The following ABCE1 variants were observed in gnomAD, a reference collection of about 807,000 sequenced individuals.
ABCE1 encodes ATP-binding cassette sub-family E member 1.
Under a neutral mutation model 83.4 loss-of-function variants are expected in ABCE1, and 22 were observed. That is an observed-to-expected ratio of 0.26 (90% CI 0.19 to 0.38). ABCE1 has a LOEUF of 0.38. Among genes scored for constraint, ABCE1 ranks in the 10% least tolerant of loss-of-function variants. The pLI is 1.00. For synonymous variants in ABCE1, 204 were observed against 233.7 expected, an observed-to-expected ratio of 0.87 and a Z score of 1.16; for missense variants, 330 against 721.9, an observed-to-expected ratio of 0.46 and a Z score of 6.22.
intron 1 of ABCE1, among the ~76,000 whole-genome samples, chr4:145,099,766 C>A (rs1749076855): frequency 6.6e-6 from 1 of 152,170 alleles, no homozygotes; most frequent in Non-Finnish European, 1.5e-5. Flanking sequence ...TAACAGCAGT[C>A]TTTGAAATGC....
rs1749968485 is a variant in ABCE1, at chr4:145,129,026, C to CTAAG, written c.*1455_*1458dup. 1 of 151,998 alleles carries CTAAG rather than the reference C, an allele frequency of 6.6e-6. No homozygotes were observed. The highest frequency in any genetic ancestry group is 2.1e-4 in the South Asian group (1 of 4,818). 9.4% of individuals were successfully genotyped at this position (151,998 alleles called of 1,614,324 possible). A position where few individuals can be genotyped will look rare whatever the true frequency, so the allele number is the denominator to read the frequency against. On this transcript the variant is annotated 3_prime_UTR_variant, in exon 18 of 18. Transcript: ENST00000296577. Reference sequence around the variant, plus strand: ...TTCATGCTTTTTTCTGTGCACTTACCTAAGTGTGAATATGTAAAGGGTTTG... The same window carrying CTAAG: ...TTCATGCTTTTTTCTGTGCACTTACCTAAGTAAGTGTGAATATGTAAAGGGTTTG...
At position 145,109,119 on chromosome 4, in the gene ABCE1, A is replaced by G. The variant is rs375908638; in HGVS notation, c.288-13A>G. 58 of 1,556,398 alleles carry G rather than the reference A, an allele frequency of 3.7e-5. No individual in the cohort carries two copies. Among genetic ancestry groups the G allele is most frequent in the Middle Eastern group, 1.7e-4 (1 of 5,794 alleles). On this transcript the variant is annotated splice_polypyrimidine_tract_variant and intron_variant, in intron 4 of 17. Transcript: ENST00000296577. ...ATCTGAGTTGTTTTATTATTTTTGT[A>G]TACTTGTAACAGGTTGCCTATCCCT...
At chr4:145,122,774 G>A (rs75532166) in intron 13 of ABCE1, 2 of 315,488 alleles carry the variant, frequency 6.3e-6, no homozygotes, top group East Asian at 6.0e-5. Context: ...TCATGCCATT[G>A]CACACCTGGG....
chr4:145,103,766 GTT>G (rs4148236), intron 1 of ABCE1, among the ~76,000 whole-genome samples: 5 of 138,420 alleles, frequency 3.6e-5, no homozygotes, highest in Admixed American at 7.2e-5. Flanking sequence ...GTTGGTTGGG[GTT>G]TTTTTTTTTT....
chr4:145,112,454 A>G (rs1309389292), intron 9 of ABCE1, 126 bp downstream of exon 9: 1 of 679,594 alleles, frequency 1.5e-6, no homozygotes, highest in Non-Finnish European at 2.5e-6. Flanking sequence ...TATAGCTGCC[A>G]CCTAAATTTA....
intron 16 of ABCE1, among the ~76,000 whole-genome samples, chr4:145,124,686 T>C (rs1366578602): frequency 6.6e-6 from 1 of 152,186 alleles, no homozygotes; most frequent in African/African-American, 2.4e-5. Flanking sequence ...AATCTACTTA[T>C]TAATTATCTT....
In ABCE1 at chr4:145,110,099, T is replaced by C; in HGVS notation, c.406-4T>C. The C allele has an allele frequency of 6.4e-7, 1 of 1,557,334 alleles. No homozygotes were observed. Among genetic ancestry groups the C allele is most frequent in the Non-Finnish European group, 8.6e-7 (1 of 1,159,736 alleles). The stretch of plus-strand genomic sequence containing the variant: ...ATGATTCTGTATTTTTTTTTTTTTT[T>C]TAGGATCCTCCTGACTGGCAGGAGA... On this transcript the variant is annotated splice_polypyrimidine_tract_variant and splice_region_variant and intron_variant, in intron 5 of 17. Transcript: ENST00000296577.
chr4:145,121,403 T>C lies in ABCE1; in HGVS notation c.1263+12T>C. On this transcript the variant is annotated intron_variant, in intron 13 of 17. Transcript: ENST00000296577. ...GTCCCAAATCAACTGTGAGTTATTA[T>C]TTTTTATATGGTTACTAAAGAAAAT... 2 of 1,601,056 alleles carry C rather than the reference T, an allele frequency of 1.2e-6. No homozygotes were observed. The highest frequency in any genetic ancestry group is 1.7e-6 in the Non-Finnish European group (2 of 1,171,284).
At chr4:145,106,327 C>T (rs973584632) in intron 3 of ABCE1, among the ~76,000 whole-genome samples, 4 of 152,052 alleles carry the variant, frequency 2.6e-5, no homozygotes, top group East Asian at 1.9e-4. Context: ...TCAAATAAAT[C>T]GTGTGTATAT....
intron 9 of ABCE1, among the ~76,000 whole-genome samples, chr4:145,114,311 G>C (rs988857656): frequency 6.6e-6 from 1 of 152,048 alleles, no homozygotes; most frequent in Non-Finnish European, 1.5e-5. Context: ...ATGTACCAGA[G>C]TCTTGAAAGG....
In ABCE1 at chr4:145,128,791, A is replaced by T. The variant is rs1254787572; in HGVS notation, c.*1218A>T. ...AACTGTTTGACAAACTTTAAGAGCT[A>T]CTTGAAATAACAGAAGTCTTGATTA... On this transcript the variant is annotated 3_prime_UTR_variant, in exon 18 of 18. Coordinates refer to ENST00000296577, the MANE Select transcript of ABCE1 (RefSeq NM_002940.3). 6.6e-6 allele frequency: 1 copy of T among 152,226 alleles called. No homozygotes were observed. The highest frequency in any genetic ancestry group is 2.4e-5 in the African/African-American group (1 of 41,470). 9.4% of individuals were successfully genotyped at this position (152,226 alleles called of 1,614,324 possible). A position where few individuals can be genotyped will look rare whatever the true frequency, so the allele number is the denominator to read the frequency against.
chr4:145,125,597 G>A (rs918461868), intron 17 of ABCE1, among the ~76,000 whole-genome samples: 2 of 152,180 alleles, frequency 1.3e-5, no homozygotes, highest in Non-Finnish European at 2.9e-5. Flanking sequence ...TCATTGCTGT[G>A]TGAACTCAAG....
intron 10 of ABCE1, among the ~76,000 whole-genome samples, chr4:145,118,767 A>G (rs1189803919): frequency 6.6e-6 from 1 of 151,886 alleles, no homozygotes; most frequent in Non-Finnish European, 1.5e-5. Context: ...CCTTTAATAT[A>G]TTGAAATCAG....
intron 11 of ABCE1, 44 bp from the exon 12 acceptor site, chr4:145,121,130 G>C: frequency 6.3e-7 from 1 of 1,598,302 alleles, no homozygotes; most frequent in Non-Finnish European, 8.6e-7. Context: ...TACTTTAAAC[G>C]TCAAGCATCT....
At chr4:145,101,508 T>TAA (rs908340983) in intron 1 of ABCE1, among the ~76,000 whole-genome samples, 105 of 152,352 alleles carry the variant, frequency 6.9e-4, no homozygotes, top group African/African-American at 2.5e-3. Flanking sequence ...GCTTACTCTT[T>TAA]AAAAGGCTTC....
intron 9 of ABCE1, among the ~76,000 whole-genome samples, chr4:145,116,529 C>G (rs1244600582): frequency 1.3e-5 from 2 of 151,822 alleles, no homozygotes; most frequent in Admixed American, 1.3e-4. Flanking sequence ...GAAGCTGATA[C>G]ATTAATTTGA....
intron 9 of ABCE1, among the ~76,000 whole-genome samples, chr4:145,113,955 A>AT (rs1055423642): frequency 8.5e-5 from 13 of 152,184 alleles, no homozygotes; most frequent in African/African-American, 3.1e-4. Context: ...AACTATTTAC[A>AT]TATATCTTAA....
In ABCE1 at chr4:145,098,384, C is replaced by T. The variant is rs555793829; in HGVS notation, c.-63C>T. On this transcript the variant is annotated 5_prime_UTR_variant, in exon 1 of 18. Coordinates refer to ENST00000296577, the MANE Select transcript of ABCE1 (RefSeq NM_002940.3). The stretch of plus-strand genomic sequence containing the variant: ...GTGAAGGCAAGAGCTGATTTGGCCT[C>T]TGTGCTCCCCTCCGCAAGGGGATCG... 3 of 152,486 alleles carry T rather than the reference C, an allele frequency of 2.0e-5. No homozygotes were observed. The highest frequency in any genetic ancestry group is 7.2e-5 in the African/African-American group (3 of 41,600). 9.4% of individuals were successfully genotyped at this position (152,486 alleles called of 1,614,324 possible).
rs4148231 is a variant in ABCE1 at position 145,112,565 on chromosome 4, C to T, written c.800+237C>T. ...ATATTCTGAAATTATATGCAAATTC[C>T]GTAGCTTTATAGGAAGCAGACCCTT... On this transcript the variant is annotated intron_variant, in intron 9 of 17. Coordinates refer to ENST00000296577, the MANE Select transcript of ABCE1 (RefSeq NM_002940.3). 6.6e-5 allele frequency among the ~76,000 whole-genome samples: 10 copies of T among 152,214 alleles called. No individual in the cohort carries two copies. In the East Asian group the frequency reaches 9.6e-4, roughly 15 times the overall value.
Sources: gnomAD v4.1 joint callset for allele counts (sites outside exome capture counted in the v4.1 genomes callset) on GRCh38, gnomAD v4.1.1 for gene constraint, MANE v1.5 for transcripts, NCBI Gene and HGNC (gene_info 2026-07-23, HGNC 2026-07-21) for gene names.